The following YES1 variants were observed in gnomAD, a reference collection of about 807,000 sequenced individuals.
YES1 encodes tyrosine-protein kinase Yes.
YES1 carries 39 observed loss-of-function variants against 70.4 expected under a neutral mutation model. The ratio of observed to expected loss-of-function variants is 0.55; its 90% CI spans 0.43 to 0.72. The LOEUF (loss-of-function observed/expected upper bound fraction) is 0.72, where lower values mean the gene tolerates loss of function less well. Ranked by LOEUF, YES1 falls within the 30% of genes least tolerant of loss-of-function variation. The probability of loss-of-function intolerance (pLI) is 0.00; values close to 1 mark genes in which losing one functional copy is unlikely to be tolerated. For synonymous variants in YES1, 198 were observed against 218.6 expected (o/e 0.91, Z 0.83); for missense variants, 495 against 644.8 (o/e 0.77, Z 2.52).
At chr18:758,214 A>AT (rs1486015272) in intron 1 of YES1, among the ~76,000 whole-genome samples, 1 of 152,118 alleles carries the variant, frequency 6.6e-6, no homozygotes, top group Non-Finnish European at 1.5e-5. Flanking sequence ...ATGACATTTT[A>AT]TTTTTTCATA....
chr18:780,547 G>C (rs888543955), intron 1 of YES1, among the ~76,000 whole-genome samples: 3 of 152,008 alleles, frequency 2.0e-5, no homozygotes, highest in Non-Finnish European at 2.9e-5. Context: ...CCATGACCTT[G>C]GACTTCTCTG....
chr18:812,324 T>TCCGCCCCCCCCCCCCGGCC (rs2145853590), upstream of YES1: 1 of 35,568 alleles, frequency 2.8e-5, no homozygotes, highest in African/African-American at 1.7e-4. Context: ...CTCCACCTCC[T>TCCGCCCCCCCCCCCCGGCC]CCGCCCCCCC....
At chr18:767,661 CTG>C (rs1409802148) in intron 1 of YES1, among the ~76,000 whole-genome samples, 2 of 152,106 alleles carry the variant, frequency 1.3e-5, no homozygotes, top group African/African-American at 2.4e-5. Flanking sequence ...TGTAGCTTTA[CTG>C]TGTCTTGAAA....
intron 1 of YES1, among the ~76,000 whole-genome samples, chr18:788,864 T>G (rs933008487): frequency 1.3e-5 from 2 of 152,110 alleles, no homozygotes; most frequent in African/African-American, 4.8e-5. Context: ...AGGCAGAGGT[T>G]GCAGTGAACC....
chr18:757,347 C>CA (rs1203323667), intron 1 of YES1, among the ~76,000 whole-genome samples: 22 of 151,380 alleles, frequency 1.5e-4, no homozygotes, highest in African/African-American at 4.6e-4. Context: ...ACTAAAAATG[C>CA]AAAAAATTAG....
chr18:762,465 C>A (rs900032923), intron 1 of YES1, among the ~76,000 whole-genome samples: 1 of 152,104 alleles, frequency 6.6e-6, no homozygotes, highest in Non-Finnish European at 1.5e-5. Flanking sequence ...AACAAACCTG[C>A]ACGTGCACCC....
At chr18:767,277 G>A (rs1904956172) in intron 1 of YES1, among the ~76,000 whole-genome samples, 1 of 152,056 alleles carries the variant, frequency 6.6e-6, no homozygotes, top group African/African-American at 2.4e-5. Context: ...AGCCTTCTGA[G>A]CAGCTGGGAC....
intron 1 of YES1, among the ~76,000 whole-genome samples, chr18:760,115 G>A (rs2145750327): frequency 6.6e-6 from 1 of 152,176 alleles, no homozygotes; most frequent in Non-Finnish European, 1.5e-5. Flanking sequence ...ATCACTGAGG[G>A]ACATCTGGGT....
At position 736,664 on chromosome 18, in the gene YES1, C is replaced by T. The variant is rs1189526159; in HGVS notation, c.1291+144G>A. ...TAACTATCAGAAAGCCACAGCAGTA[C>T]ATGATTTTATGAATGAAATCAATGT... On this transcript the variant is annotated intron_variant, in intron 10 of 11. Coordinates refer to ENST00000314574, the MANE Select transcript of YES1 (RefSeq NM_005433.4). The T allele has an allele frequency of 9.0e-6, 10 of 1,116,444 alleles. No homozygotes were observed. In the Admixed American group the frequency reaches 3.1e-4, roughly 35 times the overall value. The allele number at this position is 1,116,444 out of a possible 1,614,324, so 69.2% of individuals were successfully genotyped here. A position where few individuals can be genotyped will look rare whatever the true frequency, so the allele number is the denominator to read the frequency against.
chr18:745,317 T>A (rs1264841896), intron 6 of YES1, among the ~76,000 whole-genome samples: 3 of 152,212 alleles, frequency 2.0e-5, no homozygotes, highest in Non-Finnish European at 4.4e-5. Context: ...TAGGAAAGCT[T>A]ATGCGATCCA....
intron 1 of YES1, among the ~76,000 whole-genome samples, chr18:773,582 C>T (rs982890907): frequency 3.9e-5 from 6 of 152,176 alleles, no homozygotes; most frequent in Admixed American, 1.3e-4. Flanking sequence ...CCAAGAAATG[C>T]TACCAGGTAT....
chr18:760,097 T>A (rs1904509193), intron 1 of YES1, among the ~76,000 whole-genome samples: 1 of 152,128 alleles, frequency 6.6e-6, no homozygotes, highest in African/African-American at 2.4e-5. Flanking sequence ...ATTTTCTTAA[T>A]CCAGTCTATC....
At chr18:763,014 T>G (rs1275719403) in intron 1 of YES1, among the ~76,000 whole-genome samples, 1 of 152,194 alleles carries the variant, frequency 6.6e-6, no homozygotes, top group East Asian at 1.9e-4. Flanking sequence ...GTATCTGAGC[T>G]TGGTCTTGAA....
At chr18:808,416 TA>T (rs1334462934) in intron 1 of YES1, among the ~76,000 whole-genome samples, 1 of 152,172 alleles carries the variant, frequency 6.6e-6, no homozygotes, top group African/African-American at 2.4e-5. Context: ...AAAGAGATAA[TA>T]CATACCCTAC....
At chr18:727,545 A>G (rs999831139) in intron 11 of YES1, among the ~76,000 whole-genome samples, 4 of 152,130 alleles carry the variant, frequency 2.6e-5, no homozygotes, top group African/African-American at 9.7e-5. Flanking sequence ...TGATTAAACA[A>G]GCATTTTTCA....
chr18:730,632 G>C (rs1339606893), intron 11 of YES1, among the ~76,000 whole-genome samples: 1 of 152,140 alleles, frequency 6.6e-6, no homozygotes, highest in African/African-American at 2.4e-5. Flanking sequence ...CTTTCTGTCT[G>C]GGTTTTACTG....
At chr18:782,882 A>C (rs1404015316) in intron 1 of YES1, among the ~76,000 whole-genome samples, 1 of 152,108 alleles carries the variant, frequency 6.6e-6, no homozygotes, top group Non-Finnish European at 1.5e-5. Flanking sequence ...TTTAGTAGAG[A>C]CAGGGTTTCG....
At chr18:746,419 C>A (rs2080281879) in intron 4 of YES1, among the ~76,000 whole-genome samples, 2 of 152,152 alleles carry the variant, frequency 1.3e-5, no homozygotes, top group African/African-American at 4.8e-5. Flanking sequence ...GTAACAGCAT[C>A]ATCATCTGCA....
At chr18:778,429 T>C (rs116807790) in intron 1 of YES1, among the ~76,000 whole-genome samples, 2,505 of 152,356 alleles carry the variant, frequency 0.016, 65 homozygotes, top group African/African-American at 0.058. Context: ...CATGACAATG[T>C]TGCCTTATTA....
Sources: allele counts gnomAD v4.1 joint callset (sites outside exome capture counted in the v4.1 genomes callset), GRCh38; gene constraint gnomAD v4.1.1; transcripts MANE v1.5; gene names NCBI Gene and HGNC (gene_info 2026-07-23, HGNC 2026-07-21).